SPOCK3: variants seen among roughly 807,000 people sequenced by gnomAD.
SPOCK3 encodes testican-3.
In SPOCK3, 30 loss-of-function variants were observed where a neutral mutation model predicts 56.6. The observed-to-expected ratio is 0.53, with a 90% CI of 0.40 to 0.72. The LOEUF is 0.72. Ranked by LOEUF, SPOCK3 falls within the 30% of genes least tolerant of loss-of-function variation. The pLI is 0.00. For synonymous variants in SPOCK3, 196 were observed against 183.3 expected (o/e 1.07, Z -0.56); for missense variants, 527 against 530.0 (o/e 0.99, Z 0.06).
At chr4:167,020,620 G>C (rs1251409121) in intron 3 of SPOCK3, among the ~76,000 whole-genome samples, 1 of 152,020 alleles carries the variant, frequency 6.6e-6, no homozygotes, top group Admixed American at 6.6e-5. Context: ...GGCAGAGCAA[G>C]AGGACCCTTA....
chr4:167,155,916 A>G (rs1319228751), intron 2 of SPOCK3, among the ~76,000 whole-genome samples: 4 of 152,136 alleles, frequency 2.6e-5, no homozygotes, highest in African/African-American at 9.7e-5. Context: ...GCAGCAAACC[A>G]CCATGCATAT....
intron 2 of SPOCK3, among the ~76,000 whole-genome samples, chr4:167,084,627 A>G (rs995637305): frequency 2.6e-5 from 4 of 152,052 alleles, no homozygotes; most frequent in African/African-American, 9.7e-5. Context: ...TAAATTTCCT[A>G]TCATAGGAAG....
intron 2 of SPOCK3, among the ~76,000 whole-genome samples, chr4:167,162,723 T>A (rs1322045489): frequency 6.6e-6 from 1 of 152,066 alleles, no homozygotes; most frequent in Non-Finnish European, 1.5e-5. Flanking sequence ...GCCTCCCCTA[T>A]CATGGCAAAT....
chr4:167,046,450 C>CTTTTTTTTTTT (rs67108499), intron 3 of SPOCK3, among the ~76,000 whole-genome samples: 10 of 53,704 alleles, frequency 1.9e-4, no homozygotes, highest in South Asian at 7.5e-4. Context: ...TTCTGATATT[C>CTTTTTTTTTTT]TTTTTTTTTT....
rs149894041 is a variant in SPOCK3, at chr4:167,054,422, A to G, written c.235+8070T>C. On this transcript the variant is annotated intron_variant, in intron 3 of 10. Coordinates refer to ENST00000357545, the MANE Select transcript of SPOCK3 (RefSeq NM_001040159.2). ...CATGCATTTTCCCTTCAGTTTATTT[A>G]TCATAGTAAATGTAGCAAACCATAT... Among the ~76,000 whole-genome samples the G allele has an allele frequency of 2.9e-4, 44 of 152,340 alleles. No homozygotes were observed. The East Asian group carries it at 6.6e-3, about 23-fold the overall frequency.
At chr4:167,018,092 GT>G (rs1306490231) in intron 3 of SPOCK3, among the ~76,000 whole-genome samples, 2 of 151,982 alleles carry the variant, frequency 1.3e-5, no homozygotes, top group Non-Finnish European at 2.9e-5. Flanking sequence ...TTCAAGTTAA[GT>G]TTTTTATGCT....
At chr4:167,095,521 T>A (rs886675442) in intron 2 of SPOCK3, among the ~76,000 whole-genome samples, 1 of 151,826 alleles carries the variant, frequency 6.6e-6, no homozygotes, top group African/African-American at 2.4e-5. Flanking sequence ...GTAGATAAAA[T>A]TAACACCTAA....
intron 6 of SPOCK3, among the ~76,000 whole-genome samples, chr4:166,814,352 A>G (rs1744170154): frequency 6.6e-6 from 1 of 151,992 alleles, no homozygotes; most frequent in Admixed American, 6.6e-5. Flanking sequence ...TAGGTAAAGT[A>G]TTGTTTTTAG....
chr4:167,221,474 T>C (rs1014004907), intron 2 of SPOCK3, among the ~76,000 whole-genome samples: 8 of 152,190 alleles, frequency 5.3e-5, no homozygotes, highest in Non-Finnish European at 8.8e-5. Flanking sequence ...ACATGGTCTT[T>C]AGAGTTAGAA....
At chr4:167,052,725 A>G (rs572852605) in intron 3 of SPOCK3, among the ~76,000 whole-genome samples, 3 of 152,208 alleles carry the variant, frequency 2.0e-5, no homozygotes, top group Non-Finnish European at 2.9e-5. Flanking sequence ...AGACCTTTCT[A>G]TTGTTTCAGA....
intron 4 of SPOCK3, among the ~76,000 whole-genome samples, chr4:166,956,781 T>C (rs761220243): frequency 6.6e-4 from 101 of 152,066 alleles, no homozygotes; most frequent in Non-Finnish European, 9.4e-4. Flanking sequence ...ATCTTCTCAG[T>C]CTCCCTCACC....
chr4:167,150,236 C>A (rs1027024103), intron 2 of SPOCK3, among the ~76,000 whole-genome samples: 1 of 151,764 alleles, frequency 6.6e-6, no homozygotes, highest in African/African-American at 2.4e-5. Context: ...AATTTTTTTA[C>A]AGAGAATTAT....
chr4:167,092,801 A>G (rs1010628202), intron 2 of SPOCK3, among the ~76,000 whole-genome samples: 1 of 152,188 alleles, frequency 6.6e-6, no homozygotes, highest in Non-Finnish European at 1.5e-5. Flanking sequence ...AAAGGCTTGA[A>G]TGAAAAATTA....
At chr4:167,141,451 C>A (rs984993139) in intron 2 of SPOCK3, among the ~76,000 whole-genome samples, 4 of 152,142 alleles carry the variant, frequency 2.6e-5, no homozygotes, top group Middle Eastern at 3.4e-3. Context: ...AGCCCCACAG[C>A]TCTAAAATCA....
chr4:167,072,995 C>T (rs1457043126), intron 2 of SPOCK3, among the ~76,000 whole-genome samples: 1 of 151,704 alleles, frequency 6.6e-6, no homozygotes, highest in East Asian at 1.9e-4. Context: ...ATATTGTTTA[C>T]TGCTTAAGCA....
intron 2 of SPOCK3, among the ~76,000 whole-genome samples, chr4:167,120,509 T>C (rs757741901): frequency 1.3e-5 from 2 of 152,052 alleles, no homozygotes; most frequent in East Asian, 1.9e-4. Flanking sequence ...CAATCTAGCA[T>C]TGATTATAAA....
At chr4:167,021,533 GCAAGGAAGGCTAAA>G (rs2150162335) in intron 3 of SPOCK3, among the ~76,000 whole-genome samples, 1 of 152,040 alleles carries the variant, frequency 6.6e-6, no homozygotes, top group African/African-American at 2.4e-5. Flanking sequence ...GGTAACTTAG[GCAAGGAAGGCTAAA>G]CAGGGGAATG....
intron 6 of SPOCK3, among the ~76,000 whole-genome samples, chr4:166,800,440 TAGG>T (rs1276372745): frequency 6.6e-6 from 1 of 152,032 alleles, no homozygotes; most frequent in African/African-American, 2.4e-5. Context: ...ATTGTTATCG[TAGG>T]AGAAGACAGC....
intron 2 of SPOCK3, among the ~76,000 whole-genome samples, chr4:167,172,895 T>G (rs763197925): frequency 4.6e-5 from 7 of 152,320 alleles, no homozygotes; most frequent in Admixed American, 6.5e-5. Flanking sequence ...CACATTACTT[T>G]AAATAATATT....
Sources: gnomAD v4.1 joint callset for allele counts (sites outside exome capture counted in the v4.1 genomes callset) on GRCh38, gnomAD v4.1.1 for gene constraint, MANE v1.5 for transcripts, NCBI Gene and HGNC (gene_info 2026-07-23, HGNC 2026-07-21) for gene names.